Variants in PRDM1 observed in about 807,000 individuals in gnomAD.
PRDM1 encodes the protein PR/SET domain 1.
Under a neutral mutation model 62.8 loss-of-function variants are expected in PRDM1, and 13 were observed. The ratio of observed to expected loss-of-function variants is 0.21; its 90% CI spans 0.13 to 0.33. The LOEUF (loss-of-function observed/expected upper bound fraction) is 0.33, where lower values mean the gene tolerates loss of function less well. Ranked by LOEUF, PRDM1 falls within the 10% of genes least tolerant of loss-of-function variation. PRDM1 has a pLI of 1.00. For synonymous variants in PRDM1, 396 were observed against 417.6 expected, an observed-to-expected ratio of 0.95 and a Z score of 0.63; for missense variants, 895 against 1,058.8, an observed-to-expected ratio of 0.85 and a Z score of 2.15.
chr6:106,033,874 C>T (rs186711128), intron 1 of PRDM1, among the ~76,000 whole-genome samples: 1 of 151,820 alleles, frequency 6.6e-6, no homozygotes, highest in Non-Finnish European at 1.5e-5. Flanking sequence ...AGGTTCAGGG[C>T]TTTTCTTTGT....
At chr6:106,006,254 C>T (rs565569699) in intron 1 of PRDM1, among the ~76,000 whole-genome samples, 36 of 152,276 alleles carry the variant, frequency 2.4e-4, no homozygotes, top group African/African-American at 7.5e-4. Context: ...TTTTTCCTCC[C>T]TTATATGGAT....
chr6:106,089,613 A>T (rs1773907309), intron 2 of PRDM1, among the ~76,000 whole-genome samples: 1 of 152,184 alleles, frequency 6.6e-6, no homozygotes, highest in African/African-American at 2.4e-5. Context: ...TGCTGCGTGA[A>T]TGGAGGCAGA....
At chr6:105,995,629 C>T (rs1312488138) in intron 1 of PRDM1, among the ~76,000 whole-genome samples, 1 of 152,104 alleles carries the variant, frequency 6.6e-6, no homozygotes, top group Non-Finnish European at 1.5e-5. Flanking sequence ...AGAACTTATG[C>T]TCCCACTGAA....
intron 1 of PRDM1, among the ~76,000 whole-genome samples, chr6:105,995,841 C>T (rs1772343858): frequency 6.6e-6 from 1 of 151,850 alleles, no homozygotes; most frequent in Non-Finnish European, 1.5e-5. Flanking sequence ...AACTAATTTT[C>T]GGGGACAATC....
intron 3 of PRDM1, 181 bp from the exon 4 acceptor site, chr6:106,099,119 C>T (rs780762011): frequency 6.2e-7 from 1 of 1,612,750 alleles, no homozygotes; most frequent in South Asian, 1.1e-5. Flanking sequence ...TGTGCCTTAC[C>T]TGTTTCCGCC....
chr6:106,018,859 G>C (rs1308987718), intron 1 of PRDM1, among the ~76,000 whole-genome samples: 4 of 151,182 alleles, frequency 2.6e-5, no homozygotes, highest in Non-Finnish European at 5.9e-5. Context: ...TTTTCATATG[G>C]TATTCTTTGG....
chr6:106,067,943 CTTA>C (rs1271223389), intron 1 of PRDM1, among the ~76,000 whole-genome samples: 1 of 152,062 alleles, frequency 6.6e-6, no homozygotes, highest in East Asian at 1.9e-4. Context: ...TCAGCAACAA[CTTA>C]TTATTTTAAA....
At chr6:106,020,072 C>CAA (rs1432517126) in intron 1 of PRDM1, among the ~76,000 whole-genome samples, 2 of 149,754 alleles carry the variant, frequency 1.3e-5, no homozygotes, top group African/African-American at 4.9e-5. Flanking sequence ...ACCAAAAATA[C>CAA]AAAAATTAGC....
chr6:106,035,550 G>C (rs1772912485), intron 1 of PRDM1, among the ~76,000 whole-genome samples: 1 of 152,114 alleles, frequency 6.6e-6, no homozygotes, highest in Non-Finnish European at 1.5e-5. Flanking sequence ...GATAGCTTGA[G>C]CCTGGGACGT....
chr6:106,077,280 C>T (rs907425532), intron 1 of PRDM1, among the ~76,000 whole-genome samples: 1 of 152,136 alleles, frequency 6.6e-6, no homozygotes, highest in African/African-American at 2.4e-5. Context: ...TCGATCACAC[C>T]ACCAGGCACT....
chr6:106,021,223 C>G (rs979613584), intron 1 of PRDM1, among the ~76,000 whole-genome samples: 8 of 152,186 alleles, frequency 5.3e-5, no homozygotes, highest in Non-Finnish European at 4.4e-5. Flanking sequence ...GTTATGCTTT[C>G]TTTTTACTTT....
intron 1 of PRDM1, among the ~76,000 whole-genome samples, chr6:106,032,110 T>C (rs1226632686): frequency 6.6e-6 from 1 of 152,154 alleles, no homozygotes; most frequent in Non-Finnish European, 1.5e-5. Context: ...AAATGAACAT[T>C]TTCACATGAA....
chr6:106,062,819 G>A (rs1006105115), intron 1 of PRDM1, among the ~76,000 whole-genome samples: 3 of 152,132 alleles, frequency 2.0e-5, no homozygotes, highest in African/African-American at 7.2e-5. Context: ...TTGCTGATAG[G>A]AGGGTTTGTT....
Position 106,107,815 on chromosome 6 carries a change from T to C in PRDM1, c.*329T>C, listed in dbSNP as rs1774546344. On this transcript the variant is annotated 3_prime_UTR_variant, in exon 7 of 7. Transcript: ENST00000369096. ...CCTTCCCATTACTAAGACTATTACCTAGTCATAATTATTTTTTCAATGATA... is the reference window on the plus strand; with the variant it reads ...CCTTCCCATTACTAAGACTATTACCCAGTCATAATTATTTTTTCAATGATA... The C allele has an allele frequency of 4.3e-6, 1 of 231,396 alleles. No individual in the cohort carries two copies. Among genetic ancestry groups the C allele is most frequent in the Non-Finnish European group, 8.5e-6 (1 of 116,966 alleles). The allele number at this position is 231,396 out of a possible 1,614,324, so 14.3% of individuals were successfully genotyped here.
In PRDM1 at chr6:106,105,650, C is replaced by G; in HGVS notation, c.1490C>G (p.Ser497Cys). Residue 497 changes from serine (S) to cysteine (C), a missense_variant, in exon 5 of 7, where the codon TCC (serine) becomes TGC (cysteine). This residue lies in a region of PRDM1 where 444 missense variants were observed against 422.7 expected (regional missense o/e 1.05). Transcript: ENST00000369096. Reference sequence around the variant, plus strand: ...GTCCCGGCGCCCCACAGTGCCTTCTCCTTTACCGGGGCCGCCGCCAGCATG... The same window carrying G: ...GTCCCGGCGCCCCACAGTGCCTTCTGCTTTACCGGGGCCGCCGCCAGCATG... ...VLVPAPHSAF[S>C]FTGAAASMKD... 1 of 1,612,764 alleles carries G rather than the reference C, an allele frequency of 6.2e-7. No homozygotes were observed. The highest frequency in any genetic ancestry group is 8.5e-7 in the Non-Finnish European group (1 of 1,179,044).
rs749380760 is a variant in PRDM1 at position 106,104,996 on chromosome 6, A to T, written c.836A>T (p.Asp279Val). The T allele has an allele frequency of 2.5e-6, 4 of 1,613,968 alleles. No homozygotes were observed. The highest frequency in any genetic ancestry group is 2.5e-6 in the Non-Finnish European group (3 of 1,179,994). ...ATTTCACCCCTCACATCAGAAAAGG[A>T]CCTCGATGACTTTAGAAGACGTGGG... ...SNISPLTSEK[D>V]LDDFRRRGSP... Residue 279 changes from aspartate (D) to valine (V), a missense_variant, in exon 5 of 7, where the codon GAC becomes GTC. This residue lies in a region of PRDM1 where 444 missense variants were observed against 422.7 expected (regional missense o/e 1.05). Transcript: ENST00000369096.
Position 106,108,819 on chromosome 6 carries a change from T to C in PRDM1, c.*1333T>C, listed in dbSNP as rs1017543631. 2.1e-5 allele frequency: 5 copies of C among 232,730 alleles called. No individual in the cohort carries two copies. The highest frequency in any genetic ancestry group is 4.4e-5 in the African/African-American group (2 of 45,258). The allele number at this position is 232,730 out of a possible 1,614,324, so 14.4% of individuals were successfully genotyped here. ...AAGTTGTTCAACAACAGTTACCTCA[T>C]TGAGTGTGTCCAGTAGTGCAGGAAA... On this transcript the variant is annotated 3_prime_UTR_variant, in exon 7 of 7. Transcript: ENST00000369096.
At chr6:106,007,967 A>T (rs1415142282) in intron 1 of PRDM1, among the ~76,000 whole-genome samples, 1 of 152,212 alleles carries the variant, frequency 6.6e-6, no homozygotes, top group Non-Finnish European at 1.5e-5. Context: ...CGAAAAATGT[A>T]CCGTTTTGAT....
chr6:106,013,358 CTCTT>C (rs1772580083), intron 1 of PRDM1, among the ~76,000 whole-genome samples: 1 of 143,648 alleles, frequency 7.0e-6, no homozygotes, highest in Non-Finnish European at 1.5e-5. Flanking sequence ...GACAGAGTCT[CTCTT>C]TGTTGCTCGG....
Sources: allele counts gnomAD v4.1 joint callset (sites outside exome capture counted in the v4.1 genomes callset), GRCh38; gene constraint gnomAD v4.1.1; regional missense constraint gnomAD v4.1.1; transcripts MANE v1.5; gene names NCBI Gene and HGNC (gene_info 2026-07-23, HGNC 2026-07-21).